Variants in PDE1C observed in about 807,000 individuals in gnomAD.
PDE1C encodes dual specificity calcium/calmodulin-dependent 3',5'-cyclic nucleotide phosphodiesterase 1C.
A neutral mutation model predicts 93.1 loss-of-function variants in PDE1C; 62 were observed. The observed-to-expected ratio is 0.67, with a 90% CI of 0.54 to 0.82. The LOEUF (loss-of-function observed/expected upper bound fraction) is 0.82. PDE1C is among the 40% of genes least tolerant of loss of function. The pLI is 0.00. For missense variants in PDE1C, 742 were observed against 884.6 expected (o/e 0.84, Z 2.04); for synonymous variants, 325 against 310.1 (o/e 1.05, Z -0.50).
chr7:32,284,032 T>C (rs538183188), intron 1 of PDE1C, among the ~76,000 whole-genome samples: 1 of 152,260 alleles, frequency 6.6e-6, no homozygotes, highest in Non-Finnish European at 1.5e-5. Context: ...CAACAAAGAC[T>C]AGAGCCTCAA....
At chr7:31,764,431 C>T (rs1189001909) in intron 17 of PDE1C, among the ~76,000 whole-genome samples, 1 of 152,134 alleles carries the variant, frequency 6.6e-6, no homozygotes, top group Non-Finnish European at 1.5e-5. Context: ...AGACATGAGC[C>T]ACCCTGCCCA....
chr7:32,037,036 C>T lies in PDE1C; in HGVS notation c.128+14518G>A, dbSNP rs147651398. On this transcript the variant is annotated intron_variant, in intron 2 of 17. Coordinates refer to ENST00000396191, the MANE Select transcript of PDE1C (RefSeq NM_001191057.4). Reference sequence around the variant, plus strand: ...ATCTAGATGGTTTCACTGATGCATTCTATCAATTACGTAAGAAAGAAATCA... The same window carrying T: ...ATCTAGATGGTTTCACTGATGCATTTTATCAATTACGTAAGAAAGAAATCA... 3.6e-3 allele frequency among the ~76,000 whole-genome samples: 542 copies of T among 152,224 alleles called. 1 individual carries two copies. Among genetic ancestry groups the T allele is most frequent in the Non-Finnish European group, 3.9e-3 (263 of 68,014 alleles).
chr7:32,248,269 A>C (rs12701205), intron 1 of PDE1C, among the ~76,000 whole-genome samples: 15,971 of 152,204 alleles, frequency 0.1, 896 homozygotes, highest in East Asian at 0.13. Flanking sequence ...TTGCAATGAG[A>C]GAAGTCCTCG....
At chr7:32,096,189 A>G (rs1797737980) in intron 3 of PDE1C, among the ~76,000 whole-genome samples, 1 of 152,180 alleles carries the variant, frequency 6.6e-6, no homozygotes, top group African/African-American at 2.4e-5. Flanking sequence ...TTTATGGATC[A>G]TCTTGAAGCA....
At chr7:31,877,928 T>C in intron 5 of PDE1C, 42 bp downstream of exon 5, 1 of 1,300,040 alleles carries the variant, frequency 7.7e-7, no homozygotes. Flanking sequence ...CTACTTTTTA[T>C]TAGGTACCAT....
At position 32,267,529 on chromosome 7, in the gene PDE1C, C is replaced by A. The variant is rs575699189; in HGVS notation, c.85+31122G>T. ...TTCTGGAAGAAGGCAGAAGTGAGGT[C>A]TTTCCCTCAAACTACAGAAAATGCA... On this transcript the variant is annotated intron_variant, in intron 1 of 18. Coordinates refer to the PDE1C transcript ENST00000396193. Among the ~76,000 whole-genome samples the A allele has an allele frequency of 2.0e-5, 3 of 152,084 alleles. No individual in the cohort carries two copies. The East Asian group carries it at 5.8e-4, about 30-fold the overall frequency.
intron 2 of PDE1C, among the ~76,000 whole-genome samples, chr7:32,183,668 T>G (rs1002067231): frequency 3.3e-5 from 5 of 152,162 alleles, no homozygotes; most frequent in African/African-American, 4.8e-5. Flanking sequence ...GATTAAAGAC[T>G]TAAACGTTAG....
chr7:31,802,601 TG>T (rs1182269852), intron 16 of PDE1C, among the ~76,000 whole-genome samples: 1 of 151,740 alleles, frequency 6.6e-6, no homozygotes. Context: ...GTGCGTCTAC[TG>T]GTGATGAATT....
At chr7:31,710,460 T>G in the PDE1C span, among the ~76,000 whole-genome samples, 19 of 152,302 alleles carry the variant, frequency 1.2e-4, no homozygotes, top group East Asian at 3.7e-3. Flanking sequence ...CAGAGGCTGG[T>G]GTGGAAGGAT....
chr7:32,356,048 G>T (rs412876), intron 1 of PDE1C, among the ~76,000 whole-genome samples: 76,994 of 152,040 alleles, frequency 0.51, 22,257 homozygotes, highest in Admixed American at 0.66. Context: ...ACAATAGGGG[G>T]AACCTATGCA....
chr7:31,839,106 T>C (rs1583548926), intron 9 of PDE1C, among the ~76,000 whole-genome samples: 2 of 148,624 alleles, frequency 1.3e-5, no homozygotes, highest in Non-Finnish European at 3.0e-5. Context: ...TACACATATA[T>C]GTATTATATA....
intron 15 of PDE1C, among the ~76,000 whole-genome samples, chr7:31,815,340 T>C (rs1423604355): frequency 2.0e-5 from 3 of 152,146 alleles, no homozygotes; most frequent in Admixed American, 6.5e-5. Context: ...TCGATATTTG[T>C]TGCATTAAAT....
At chr7:32,390,887 T>C (rs1784737170) in intron 1 of PDE1C, among the ~76,000 whole-genome samples, 2 of 151,868 alleles carry the variant, frequency 1.3e-5, no homozygotes, top group African/African-American at 2.4e-5. Context: ...CAAAAAATTA[T>C]AGTAAAATAA....
chr7:32,160,878 T>C (rs1801877420), intron 3 of PDE1C, among the ~76,000 whole-genome samples: 1 of 151,900 alleles, frequency 6.6e-6, no homozygotes, highest in Non-Finnish European at 1.5e-5. Context: ...AGGAATATGA[T>C]GGGAGAAAGC....
chr7:32,372,365 A>G (rs570391314), intron 1 of PDE1C, among the ~76,000 whole-genome samples: 1 of 152,118 alleles, frequency 6.6e-6, no homozygotes, highest in Non-Finnish European at 1.5e-5. Flanking sequence ...AATTTTTGAC[A>G]AGGGTACCAA....
chr7:32,207,864 T>C lies in PDE1C; in HGVS notation c.136+1625A>G, dbSNP rs1371205237. On this transcript the variant is annotated intron_variant, in intron 2 of 18. Transcript: ENST00000396193. ...CCCTCCCCCCAACCTTCGTCTGTCT[T>C]GTAGTGAGCCTCTGGGACTCCCATG... 3.3e-5 allele frequency among the ~76,000 whole-genome samples: 5 copies of C among 152,322 alleles called. 1 individual carries two copies. In the South Asian group the frequency reaches 8.3e-4, roughly 25 times the overall value.
chr7:32,104,437 T>A (rs1288511557), intron 3 of PDE1C, among the ~76,000 whole-genome samples: 1 of 152,030 alleles, frequency 6.6e-6, no homozygotes, highest in Non-Finnish European at 1.5e-5. Context: ...AATGTAAGAG[T>A]AGAATAAAGA....
chr7:32,137,291 C>CCATTCAT (rs1382222751), intron 3 of PDE1C, among the ~76,000 whole-genome samples: 1 of 152,212 alleles, frequency 6.6e-6, no homozygotes, highest in African/African-American at 2.4e-5. Flanking sequence ...CCCAGCACTT[C>CCATTCAT]CATTCTTCAT....
intron 2 of PDE1C, among the ~76,000 whole-genome samples, chr7:32,187,015 C>T (rs1308858257): frequency 1.3e-5 from 2 of 152,154 alleles, no homozygotes; most frequent in Non-Finnish European, 2.9e-5. Context: ...TTTGTAATTA[C>T]CTGAAACATT....
Sources: allele counts gnomAD v4.1 joint callset (sites outside exome capture counted in the v4.1 genomes callset), GRCh38; gene constraint gnomAD v4.1.1; transcripts MANE v1.5; gene names NCBI Gene and HGNC (gene_info 2026-07-23, HGNC 2026-07-21).